PAN3: variants seen among roughly 807,000 people sequenced by gnomAD.
The protein encoded by PAN3 is poly(A) specific ribonuclease subunit PAN3, also known as PAN2-PAN3 deadenylation complex subunit PAN3.
In PAN3, 19 loss-of-function variants were observed where a neutral mutation model predicts 96.2. The observed-to-expected ratio is 0.20, with a 90% CI of 0.14 to 0.29. The LOEUF (loss-of-function observed/expected upper bound fraction) is 0.29. PAN3 is among the 10% of genes least tolerant of loss of function. PAN3 has a pLI of 1.00. For synonymous variants in PAN3, 433 were observed against 406.6 expected (o/e 1.06, Z -0.78); for missense variants, 882 against 1,108.1 (o/e 0.80, Z 2.90).
At chr13:28,168,791 G>C (rs954625790) in intron 1 of PAN3, among the ~76,000 whole-genome samples, 1 of 152,020 alleles carries the variant, frequency 6.6e-6, no homozygotes, top group Non-Finnish European at 1.5e-5. Context: ...GGCTGAGGCG[G>C]GCAGATCATG....
At position 28,189,732 on chromosome 13, in the gene PAN3, A is replaced by G. The variant is rs190932395; in HGVS notation, c.691-7453A>G. On this transcript the variant is annotated intron_variant, in intron 4 of 18. Transcript: ENST00000380958. ...CTTTAGTACTCAAAGTGCGATCACC[A>G]GACCAGGAGCATCTGCAGTCTTGGG... 4.7e-4 allele frequency among the ~76,000 whole-genome samples: 72 copies of G among 152,298 alleles called. No individual in the cohort carries two copies. The East Asian group carries it at 0.014, about 29-fold the overall frequency.
intron 5 of PAN3, among the ~76,000 whole-genome samples, chr13:28,201,174 G>A (rs1924454): frequency 0.094 from 14,175 of 151,044 alleles, 828 homozygotes; most frequent in African/African-American, 0.17. Context: ...AGCTGGGACT[G>A]CAGGCACATA....
chr13:28,251,942 C>T (rs534052262), intron 6 of PAN3, among the ~76,000 whole-genome samples: 16 of 152,230 alleles, frequency 1.1e-4, no homozygotes, highest in Admixed American at 7.2e-4. Context: ...GGCTGGAGTA[C>T]AATGGTGTGA....
Position 28,292,494 on chromosome 13 carries a change from T to A in PAN3, c.2636T>A (p.Leu879Gln). The A allele has an allele frequency of 6.2e-7, 1 of 1,612,174 alleles. No individual in the cohort carries two copies. The highest frequency in any genetic ancestry group is 8.5e-7 in the Non-Finnish European group (1 of 1,179,376). ...TGCTTTGAAAATACTTTTCAAGAAC[T>A]GATTGCAGCTGCAAATGGTCAGTTG... ...KRCFENTFQE[L>Q]IAAANGQL The change falls in exon 19 of 19, where the codon CTG becomes CAG. Residue 879 changes from leucine (L) to glutamine (Q), a missense_variant. By Grantham distance (113) the Leu-to-Gln change is moderately radical. Around this residue, in one of 3 missense-constraint regions of PAN3, gnomAD observed 76 missense variants for 171.7 expected, o/e 0.44. Coordinates refer to ENST00000380958, the MANE Select transcript of PAN3 (RefSeq NM_175854.8).
At chr13:28,197,395 G>C (rs1403326896) in intron 5 of PAN3, 49 bp downstream of exon 5, 1 of 1,499,092 alleles carries the variant, frequency 6.7e-7, no homozygotes. Flanking sequence ...TGTCTTGGCT[G>C]CTTTCTGTGT....
intron 9 of PAN3, among the ~76,000 whole-genome samples, chr13:28,263,281 C>CA (rs1172456620): frequency 2.0e-5 from 3 of 152,062 alleles, no homozygotes; most frequent in Non-Finnish European, 4.4e-5. Flanking sequence ...ATAAAGTTGG[C>CA]AAATAAGTGG....
chr13:28,257,374 T>C (rs1885227832), intron 7 of PAN3, among the ~76,000 whole-genome samples: 1 of 151,928 alleles, frequency 6.6e-6, no homozygotes, highest in African/African-American at 2.4e-5. Flanking sequence ...ATTATTTTAT[T>C]TACCCTAGAA....
In PAN3 at chr13:28,197,216, A is replaced by T. The variant is rs760932779; in HGVS notation, c.722A>T (p.Glu241Val). Residue 241 changes from glutamate to valine, a missense_variant, in exon 5 of 19, where the codon GAG becomes GTG. Transcript: ENST00000380958. ...PRKYRLGMLE[E>V]RLVPMGSKAR... ...AAGTATCGCCTGGGGATGCTGGAGG[A>T]GAGGCTAGTTCCGATGGGATCAAAG... is the stretch of plus-strand genomic sequence containing the variant. 1 of 1,612,784 alleles carries T rather than the reference A, an allele frequency of 6.2e-7. No homozygotes were observed. The highest frequency in any genetic ancestry group is 8.5e-7 in the Non-Finnish European group (1 of 1,179,316).
intron 1 of PAN3, among the ~76,000 whole-genome samples, chr13:28,141,787 G>A (rs1294296478): frequency 6.6e-6 from 1 of 152,142 alleles, no homozygotes; most frequent in Non-Finnish European, 1.5e-5. Context: ...CACACAATAG[G>A]TAGAAGGGCT....
chr13:28,281,437 T>C, intron 17 of PAN3, 58 bp downstream of exon 17: 1 of 1,401,696 alleles, frequency 7.1e-7, no homozygotes, highest in Non-Finnish European at 1.0e-6. Context: ...TTTTGCATAA[T>C]AAGAATAAGT....
intron 4 of PAN3, among the ~76,000 whole-genome samples, chr13:28,188,259 G>A (rs1876750195): frequency 6.9e-6 from 1 of 145,440 alleles, no homozygotes; most frequent in Non-Finnish European, 1.5e-5. Context: ...CATTTTTTTT[G>A]CAACCTCCTC....
intron 1 of PAN3, among the ~76,000 whole-genome samples, chr13:28,154,715 C>T (rs531282261): frequency 5.9e-5 from 9 of 151,556 alleles, no homozygotes; most frequent in East Asian, 1.9e-4. Context: ...AGGCTGGTCT[C>T]GAACTCCTGA....
Position 28,253,970 on chromosome 13 carries a change from T to C in PAN3, c.1001-2322T>C, listed in dbSNP as rs187769429. Among the ~76,000 whole-genome samples the C allele has an allele frequency of 1.2e-4, 18 of 152,328 alleles. No homozygotes were observed. The East Asian group carries it at 3.3e-3, about 28-fold the overall frequency. On this transcript the variant is annotated intron_variant, in intron 6 of 18. Transcript: ENST00000380958. ...TAGATTGTTTTTATGGTAATCTCTTTCCACGTACTCAGCCTTGAAGAGAGA... is the reference window on the plus strand; with the variant it reads ...TAGATTGTTTTTATGGTAATCTCTTCCCACGTACTCAGCCTTGAAGAGAGA...
intron 3 of PAN3, among the ~76,000 whole-genome samples, chr13:28,177,272 A>G (rs1875141984): frequency 6.6e-6 from 1 of 152,202 alleles, no homozygotes; most frequent in Non-Finnish European, 1.5e-5. Flanking sequence ...AACCTACAAA[A>G]TCTTTGGATT....
intron 5 of PAN3, among the ~76,000 whole-genome samples, chr13:28,203,532 C>T (rs1225846903): frequency 6.6e-6 from 1 of 151,946 alleles, no homozygotes; most frequent in East Asian, 1.9e-4. Context: ...CGGTCTTGAA[C>T]TACTGGACTC....
intron 6 of PAN3, among the ~76,000 whole-genome samples, chr13:28,222,855 G>A (rs534531236): frequency 5.9e-5 from 9 of 152,150 alleles, no homozygotes; most frequent in African/African-American, 1.7e-4. Flanking sequence ...TATTGCCCTC[G>A]AAAGTATCAA....
rs1555276517 is a variant in PAN3, at chr13:28,194,450, G to GTGTA, written c.691-2734_691-2733insGTAT. ...TGTGTATATATACATATATATGTAT[G>GTGTA]TATATATATATATATATTTTTTTTT... On this transcript the variant is annotated intron_variant, in intron 4 of 18. Coordinates refer to ENST00000380958, the MANE Select transcript of PAN3 (RefSeq NM_175854.8). 1.8e-3 allele frequency among the ~76,000 whole-genome samples: 184 copies of GTGTA among 100,040 alleles called. 1 individual carries two copies. The highest frequency in any genetic ancestry group is 5.6e-3 in the African/African-American group (131 of 23,202). 65.6% of individuals were successfully genotyped at this position (100,040 alleles called of 152,430 possible). A position where few individuals can be genotyped will look rare whatever the true frequency, so the allele number is the denominator to read the frequency against.
chr13:28,185,502 G>C (rs1356443620), intron 4 of PAN3, among the ~76,000 whole-genome samples: 2 of 152,054 alleles, frequency 1.3e-5, no homozygotes, highest in East Asian at 3.8e-4. Context: ...GCGACCATTT[G>C]TTTTTGTTTA....
chr13:28,222,832 C>G (rs1472331333), intron 6 of PAN3, among the ~76,000 whole-genome samples: 1 of 152,084 alleles, frequency 6.6e-6, no homozygotes, highest in African/African-American at 2.4e-5. Flanking sequence ...TTTAAAGTTT[C>G]TATCCCCAAA....
Sources: allele counts gnomAD v4.1 joint callset (sites outside exome capture counted in the v4.1 genomes callset), GRCh38; gene constraint gnomAD v4.1.1; regional missense constraint gnomAD v4.1.1; transcripts MANE v1.5; gene names NCBI Gene and HGNC (gene_info 2026-07-23, HGNC 2026-07-21).